The following RAPGEF5 variants were observed in gnomAD, a reference collection of about 807,000 sequenced individuals.
RAPGEF5 encodes Rap guanine nucleotide exchange factor 5.
In RAPGEF5, 65 loss-of-function variants were observed where a neutral mutation model predicts 125.2. That is an observed-to-expected ratio of 0.52 (90% CI 0.43 to 0.64). RAPGEF5 has a LOEUF of 0.64. Ranked by LOEUF, RAPGEF5 falls within the 30% of genes least tolerant of loss-of-function variation. The pLI, the probability that RAPGEF5 is intolerant of heterozygous loss-of-function variation, is 0.00. For synonymous variants in RAPGEF5, 391 were observed against 385.9 expected (o/e 1.01, Z -0.16); for missense variants, 958 against 1,048.1 (o/e 0.91, Z 1.19).
In RAPGEF5 at chr7:22,196,048, C is replaced by G. The variant is rs140624018; in HGVS notation, c.997-2015G>C. Among the ~76,000 whole-genome samples the G allele has an allele frequency of 5.1e-4, 78 of 152,248 alleles. No homozygotes were observed. In the East Asian group the frequency reaches 0.014, roughly 28 times the overall value. Reference sequence around the variant, plus strand: ...CTGTGCACACAGCAGCCACACTCTGCCAGGCAGGGGAAGAGCTGAATCATA... The same window carrying G: ...CTGTGCACACAGCAGCCACACTCTGGCAGGCAGGGGAAGAGCTGAATCATA... On this transcript the variant is annotated intron_variant, in intron 9 of 25. Coordinates refer to ENST00000665637, the MANE Select transcript of RAPGEF5 (RefSeq NM_012294.5).
At chr7:22,220,190 T>C (rs1785751322) in intron 8 of RAPGEF5, 199 bp from the exon 9 acceptor site, 1 of 607,230 alleles carries the variant, frequency 1.6e-6, no homozygotes, top group South Asian at 2.5e-5. Flanking sequence ...GACTTAAAGT[T>C]GAGTCTGCGT....
At chr7:22,351,933 C>T (rs965342909) in intron 1 of RAPGEF5, among the ~76,000 whole-genome samples, 1 of 152,168 alleles carries the variant, frequency 6.6e-6, no homozygotes, top group African/African-American at 2.4e-5. Context: ...AAAGAGAGAA[C>T]TTCATTCAGA....
intron 9 of RAPGEF5, 138 bp from the exon 10 acceptor site, chr7:22,194,171 A>T: frequency 1.3e-6 from 1 of 762,350 alleles, no homozygotes; most frequent in South Asian, 2.0e-5. Context: ...ATTGAGAATA[A>T]ATTAGGAGTC....
intron 3 of RAPGEF5, among the ~76,000 whole-genome samples, chr7:22,313,401 C>T (rs1241185922): frequency 1.3e-5 from 2 of 152,130 alleles, no homozygotes; most frequent in African/African-American, 4.8e-5. Context: ...AATACTTTAC[C>T]TCAATTTACT....
At chr7:22,290,855 G>C (rs1237189360) in intron 6 of RAPGEF5, among the ~76,000 whole-genome samples, 1 of 151,608 alleles carries the variant, frequency 6.6e-6, no homozygotes, top group Non-Finnish European at 1.5e-5. Flanking sequence ...TAATGAAAGA[G>C]TCTTTTCTCC....
At chr7:22,349,914 G>A (rs1029588408) in intron 1 of RAPGEF5, among the ~76,000 whole-genome samples, 1 of 152,084 alleles carries the variant, frequency 6.6e-6, no homozygotes, top group Admixed American at 6.5e-5. Context: ...TCCCTTCAGG[G>A]GACTCTGGAG....
chr7:22,163,447 C>G (rs1784069717), intron 12 of RAPGEF5, among the ~76,000 whole-genome samples: 1 of 152,166 alleles, frequency 6.6e-6, no homozygotes, highest in Non-Finnish European at 1.5e-5. Flanking sequence ...TTAGGACGAT[C>G]TACTTCTGTT....
chr7:22,183,008 C>T (rs898523174), intron 11 of RAPGEF5, among the ~76,000 whole-genome samples: 11 of 152,142 alleles, frequency 7.2e-5, no homozygotes, highest in African/African-American at 2.7e-4. Context: ...AGCAGTGGCT[C>T]ACGCCTATAA....
chr7:22,287,677 T>C (rs1031924486), intron 6 of RAPGEF5, among the ~76,000 whole-genome samples: 1 of 152,152 alleles, frequency 6.6e-6, no homozygotes, highest in African/African-American at 2.4e-5. Context: ...TGAGAACTGT[T>C]CCCTGAGTGA....
At chr7:22,266,327 A>T (rs984563146) in intron 7 of RAPGEF5, among the ~76,000 whole-genome samples, 3 of 152,106 alleles carry the variant, frequency 2.0e-5, no homozygotes, top group African/African-American at 7.2e-5. Flanking sequence ...CATTCCTCCC[A>T]TCTAAGCAAG....
intron 8 of RAPGEF5, among the ~76,000 whole-genome samples, chr7:22,229,110 T>TC (rs1204997960): frequency 8.5e-5 from 13 of 152,106 alleles, no homozygotes; most frequent in Non-Finnish European, 1.8e-4. Context: ...CTAAGGAACA[T>TC]CCCTTAAGGA....
At chr7:22,233,994 G>A (rs1372093180) in intron 7 of RAPGEF5, among the ~76,000 whole-genome samples, 1 of 152,180 alleles carries the variant, frequency 6.6e-6, no homozygotes, top group African/African-American at 2.4e-5. Context: ...TCAAAGTTCT[G>A]CTGGACTCAA....
rs148507006 is a variant in RAPGEF5 at position 22,177,368 on chromosome 7, G to A, written c.1205-10220C>T. Among the ~76,000 whole-genome samples, 634 of 152,296 alleles carry A rather than the reference G, an allele frequency of 4.2e-3. 5 individuals are homozygous for A. Among genetic ancestry groups the A allele is most frequent in the African/African-American group, 0.014 (585 of 41,552 alleles). ...TTGTTTTCCATGTAAGTGCCAGGAT[G>A]CTGAAGTTCCTTTATTCCTACTCAA... On this transcript the variant is annotated intron_variant, in intron 11 of 25. Coordinates refer to ENST00000665637, the MANE Select transcript of RAPGEF5 (RefSeq NM_012294.5).
intron 16 of RAPGEF5, among the ~76,000 whole-genome samples, chr7:22,154,949 A>G (rs1783758220): frequency 6.6e-6 from 1 of 152,232 alleles, no homozygotes; most frequent in Non-Finnish European, 1.5e-5. Context: ...ACTGTGGTAC[A>G]CAGACTGTAT....
At chr7:22,138,978 G>A (rs564550817) in intron 21 of RAPGEF5, among the ~76,000 whole-genome samples, 3 of 152,236 alleles carry the variant, frequency 2.0e-5, no homozygotes, top group East Asian at 3.9e-4. Context: ...CAGAGCAGGC[G>A]GGGCTTTCAT....
chr7:22,159,661 G>A (rs10268516), intron 14 of RAPGEF5, among the ~76,000 whole-genome samples: 148,663 of 152,238 alleles, frequency 0.98, 72,595 homozygotes, highest in East Asian at 0.99. Context: ...TGGTAATATC[G>A]CTAACAGTAA....
Position 22,193,242 on chromosome 7 carries a change from G to A in RAPGEF5, c.1204+125C>T, listed in dbSNP as rs192474427. On this transcript the variant is annotated intron_variant, in intron 11 of 25. Transcript: ENST00000665637. ...ATCAGCACAAGGCAAGGGACGAGTC[G>A]CACAAAGCATATGCTATTTCTCCCC... 1.2e-4 allele frequency: 130 copies of A among 1,043,756 alleles called. No individual in the cohort carries two copies. The African/African-American group carries it at 1.9e-3, about 15-fold the overall frequency. The allele number at this position is 1,043,756 out of a possible 1,614,324, so 64.7% of individuals were successfully genotyped here.
intron 8 of RAPGEF5, among the ~76,000 whole-genome samples, chr7:22,225,083 A>G (rs1431346554): frequency 6.6e-6 from 1 of 152,168 alleles, no homozygotes; most frequent in Non-Finnish European, 1.5e-5. Context: ...GCTTGAGCCC[A>G]GGAGTTAGAG....
intron 14 of RAPGEF5, among the ~76,000 whole-genome samples, chr7:22,158,768 G>T (rs546290011): frequency 6.6e-6 from 1 of 152,168 alleles, no homozygotes; most frequent in East Asian, 1.9e-4. Context: ...TGGAACTACA[G>T]GCATGTGACA....
Sources: gnomAD v4.1 joint callset for allele counts (sites outside exome capture counted in the v4.1 genomes callset) on GRCh38, gnomAD v4.1.1 for gene constraint, MANE v1.5 for transcripts, NCBI Gene and HGNC (gene_info 2026-07-23, HGNC 2026-07-21) for gene names.